DNAAF4: variants seen among roughly 807,000 people sequenced by gnomAD.
The protein encoded by DNAAF4 is dynein assembly factor 4, axonemal.
DNAAF4 carries 43 observed loss-of-function variants against 51.8 expected under a neutral mutation model. The ratio of observed to expected loss-of-function variants is 0.83; its 90% CI spans 0.65 to 1.07. The LOEUF is 1.07. DNAAF4 is among the 50% of genes least tolerant of loss of function. The pLI, the probability that DNAAF4 is intolerant of heterozygous loss-of-function variation, is 0.00. For missense variants in DNAAF4, 581 were observed against 493.0 expected (o/e 1.18, Z -1.69); for synonymous variants, 194 against 165.6 (o/e 1.17, Z -1.32).
At chr15:55,477,993 G>A (rs565122727) in intron 4 of DNAAF4, among the ~76,000 whole-genome samples, 8 of 152,220 alleles carry the variant, frequency 5.3e-5, no homozygotes, top group South Asian at 4.1e-4. Flanking sequence ...CAGCTCCCAC[G>A]GAGGAGCTCA....
chr15:55,483,833 C>CATT (rs1567028675), intron 4 of DNAAF4, among the ~76,000 whole-genome samples: 1 of 82,504 alleles, frequency 1.2e-5, no homozygotes, highest in African/African-American at 4.8e-5. Context: ...GCCAATAAAG[C>CATT]TTTTTTTTTT....
At chr15:55,491,020 A>T in intron 4 of DNAAF4, 103 bp downstream of exon 4, 2 of 1,387,246 alleles carry the variant, frequency 1.4e-6, no homozygotes, top group South Asian at 2.6e-5. Context: ...CTCTAAACAA[A>T]GTATGAAGAA....
rs138946148 is a variant in DNAAF4 at position 55,456,378 on chromosome 15, G to A, written c.638-6011C>T. 1.1e-3 allele frequency among the ~76,000 whole-genome samples: 161 copies of A among 152,188 alleles called. 1 individual carries two copies. Among genetic ancestry groups the A allele is most frequent in the African/African-American group, 1.1e-3 (44 of 41,530 alleles). On this transcript the variant is annotated intron_variant, in intron 5 of 9. Transcript: ENST00000321149. ...ATTACAGGCGTGAGCCACTGCATCC[G>A]GCGGAAAATGCATCCAAAACAAAGT...
intron 3 of DNAAF4, among the ~76,000 whole-genome samples, chr15:55,493,481 A>G (rs2058600665): frequency 6.6e-6 from 1 of 152,190 alleles, no homozygotes; most frequent in Non-Finnish European, 1.5e-5. Context: ...AGTCAGCTTC[A>G]GCGGCAGAAA....
At chr15:55,473,698 A>G (rs189010202) in intron 4 of DNAAF4, among the ~76,000 whole-genome samples, 1 of 152,210 alleles carries the variant, frequency 6.6e-6, no homozygotes, top group East Asian at 1.9e-4. Flanking sequence ...TCATGACGAA[A>G]TATTAGAAAT....
At position 55,466,923 on chromosome 15, in the gene DNAAF4, A is replaced by G; in HGVS notation, c.637+7T>C. The G allele has an allele frequency of 6.3e-7, 1 of 1,582,540 alleles. No homozygotes were observed. The highest frequency in any genetic ancestry group is 8.5e-7 in the Non-Finnish European group (1 of 1,172,844). ...CTCACTACTCAAGAAATTCTTAATC[A>G]TTTTACCTTTTGGAGCAAGATTTCT... On this transcript the variant is annotated splice_region_variant and intron_variant, in intron 5 of 9. Transcript: ENST00000321149.
chr15:55,425,207 C>A (rs2057420254), intron 7 of DNAAF4, among the ~76,000 whole-genome samples: 1 of 152,210 alleles, frequency 6.6e-6, no homozygotes, highest in African/African-American at 2.4e-5. Context: ...AAGAATCCTG[C>A]CAAGTTCCTT....
At chr15:55,490,416 G>GA (rs569028705) in intron 4 of DNAAF4, among the ~76,000 whole-genome samples, 7 of 152,158 alleles carry the variant, frequency 4.6e-5, no homozygotes, top group Non-Finnish European at 1.0e-4. Context: ...TATGGAATGT[G>GA]AATTGTTTCT....
intron 7 of DNAAF4, among the ~76,000 whole-genome samples, chr15:55,422,958 T>C (rs2057400414): frequency 6.6e-6 from 1 of 151,874 alleles, no homozygotes; most frequent in Non-Finnish European, 1.5e-5. Flanking sequence ...GATCACGACA[T>C]TGCACTCCAG....
intron 1 of DNAAF4, among the ~76,000 whole-genome samples, chr15:55,505,911 T>G (rs978491389): frequency 6.6e-6 from 1 of 152,102 alleles, no homozygotes; most frequent in African/African-American, 2.4e-5. Context: ...GAACTTAGAG[T>G]ATAATAATAA....
chr15:55,485,991 T>C, intron 4 of DNAAF4, among the ~76,000 whole-genome samples: 1 of 76,280 alleles, frequency 1.3e-5, no homozygotes, highest in South Asian at 4.8e-4. Context: ...CGAGACTCCA[T>C]CTCAAAAAAA....
intron 5 of DNAAF4, among the ~76,000 whole-genome samples, chr15:55,453,490 AT>A (rs2057968110): frequency 6.6e-6 from 1 of 151,976 alleles, no homozygotes; most frequent in Non-Finnish European, 1.5e-5. Context: ...GCTAACATCA[AT>A]AATGAAAACT....
At position 55,467,261 on chromosome 15, in the gene DNAAF4, C is replaced by A. The variant is rs7179538; in HGVS notation, c.406-100G>T. ...ATAATTAGTTATTCATACCTCTAAACTCTTGCCATTGTATTTGTAACAATA... is the reference window on the plus strand; with the variant it reads ...ATAATTAGTTATTCATACCTCTAAAATCTTGCCATTGTATTTGTAACAATA... On this transcript the variant is annotated intron_variant, in intron 4 of 9. Transcript: ENST00000321149. 105 of 1,107,598 alleles carry A rather than the reference C, an allele frequency of 9.5e-5. No homozygotes were observed. The African/African-American group carries it at 1.4e-3, about 15-fold the overall frequency. The allele number at this position is 1,107,598 out of a possible 1,614,324, so 68.6% of individuals were successfully genotyped here. A position where few individuals can be genotyped will look rare whatever the true frequency, so the allele number is the denominator to read the frequency against.
intron 6 of DNAAF4, among the ~76,000 whole-genome samples, chr15:55,441,191 C>G (rs1037270950): frequency 6.6e-6 from 1 of 151,966 alleles, no homozygotes; most frequent in South Asian, 2.1e-4. Flanking sequence ...CCTGCCTCAG[C>G]CTCCTGAACA....
At position 55,450,271 on chromosome 15, in the gene DNAAF4, C is replaced by T. The variant is rs777235270; in HGVS notation, c.734G>A (p.Arg245Gln). Reference protein sequence around the residue: ...VGSIKINFTPRVFPTALRESQ... With the variant: ...VGSIKINFTPQVFPTALRESQ... ...TTCACGAAGAGCTGTTGGGAATACTCGAGGGGTAAAGTTGATTTTAATACT... is the reference window on the plus strand; with the variant it reads ...TTCACGAAGAGCTGTTGGGAATACTTGAGGGGTAAAGTTGATTTTAATACT... The change falls in exon 6 of 10, where the codon CGA becomes CAA. Residue 245 changes from arginine to glutamine, a missense_variant. Transcript: ENST00000321149. 3.4e-5 allele frequency: 55 copies of T among 1,613,786 alleles called. No individual in the cohort carries two copies. Among genetic ancestry groups the T allele is most frequent in the Middle Eastern group, 1.6e-4 (1 of 6,080 alleles).
At chr15:55,462,821 C>T (rs2058112398) in intron 5 of DNAAF4, among the ~76,000 whole-genome samples, 1 of 152,050 alleles carries the variant, frequency 6.6e-6, no homozygotes, top group Non-Finnish European at 1.5e-5. Flanking sequence ...AAATATAATA[C>T]ACCACATAAA....
At chr15:55,489,943 C>T (rs1018299582) in intron 4 of DNAAF4, among the ~76,000 whole-genome samples, 2 of 150,814 alleles carry the variant, frequency 1.3e-5, no homozygotes, top group Non-Finnish European at 3.0e-5. Flanking sequence ...GCGCAATCTC[C>T]GCTCACTGCA....
chr15:55,442,113 G>GT (rs1031931612), intron 6 of DNAAF4, among the ~76,000 whole-genome samples: 24 of 151,782 alleles, frequency 1.6e-4, no homozygotes, highest in Non-Finnish European at 1.0e-4. Flanking sequence ...AGGAGACAGA[G>GT]TTTTTTTTGT....
chr15:55,428,859 C>T (rs2057458045), downstream of DNAAF4, among the ~76,000 whole-genome samples: 1 of 152,042 alleles, frequency 6.6e-6, no homozygotes, highest in Non-Finnish European at 1.5e-5. Flanking sequence ...AGCAGTGTCT[C>T]TTCTAAATCT....
Sources: gnomAD v4.1 joint callset for allele counts (sites outside exome capture counted in the v4.1 genomes callset) on GRCh38, gnomAD v4.1.1 for gene constraint, MANE v1.5 for transcripts, NCBI Gene and HGNC (gene_info 2026-07-23, HGNC 2026-07-21) for gene names.